Variants in ANK1 observed in about 807,000 individuals in gnomAD.
The protein encoded by ANK1 is ankyrin-1.
ANK1 carries 51 observed loss-of-function variants against 210.4 expected under a neutral mutation model. That is an observed-to-expected ratio of 0.24 (90% CI 0.19 to 0.31). The LOEUF (loss-of-function observed/expected upper bound fraction) is 0.31, where lower values mean the gene tolerates loss of function less well. Ranked by LOEUF, ANK1 falls within the 10% of genes least tolerant of loss-of-function variation. The pLI, the probability that ANK1 is intolerant of heterozygous loss-of-function variation, is 1.00. For synonymous variants in ANK1, 967 were observed against 1,025.9 expected, an observed-to-expected ratio of 0.94 and a Z score of 1.10; for missense variants, 2,051 against 2,504.4, an observed-to-expected ratio of 0.82 and a Z score of 3.86.
At chr8:41,763,889 CTTTTTTTTTTTTTT>C (rs869100297) in intron 1 of ANK1, among the ~76,000 whole-genome samples, 4 of 57,814 alleles carry the variant, frequency 6.9e-5, no homozygotes, top group African/African-American at 6.9e-5. Context: ...TTCTTTTTTT[CTTTTTTTTTTTTTT>C]TTTTTTTTTT....
chr8:41,721,726 T>C (rs73619353), intron 9 of ANK1, among the ~76,000 whole-genome samples: 2,593 of 151,084 alleles, frequency 0.017, 92 homozygotes, highest in African/African-American at 0.061. Context: ...CCCTCCAGCT[T>C]CTGGAAGTGT....
intron 2 of ANK1, among the ~76,000 whole-genome samples, chr8:41,751,638 C>T (rs144577244): frequency 2.8e-4 from 42 of 152,208 alleles, no homozygotes; most frequent in South Asian, 2.3e-3. Flanking sequence ...TGATGACACT[C>T]CAAGCCTGGG....
intron 3 of ANK1, among the ~76,000 whole-genome samples, chr8:41,731,712 G>A (rs987626426): frequency 7.2e-5 from 11 of 151,774 alleles, no homozygotes; most frequent in East Asian, 5.8e-4. Flanking sequence ...CCAAAGCCAC[G>A]TTGGCTTAGA....
At chr8:41,719,129 G>A (rs964386295) in intron 10 of ANK1, among the ~76,000 whole-genome samples, 3 of 152,182 alleles carry the variant, frequency 2.0e-5, no homozygotes, top group South Asian at 2.1e-4. Context: ...TGGATCCCCA[G>A]ACTCCCTGGG....
intron 1 of ANK1, among the ~76,000 whole-genome samples, chr8:41,794,294 G>A (rs1186423498): frequency 6.6e-6 from 1 of 152,096 alleles, no homozygotes; most frequent in Non-Finnish European, 1.5e-5. Context: ...GCCTCACTCT[G>A]CTTCAACCAC....
intron 1 of ANK1, among the ~76,000 whole-genome samples, chr8:41,895,908 C>G (rs928344271): frequency 1.2e-4 from 18 of 152,012 alleles, no homozygotes; most frequent in African/African-American, 3.9e-4. Context: ...GCTGCCCCCC[C>G]CCGGCCCGCT....
chr8:41,668,122 A>T, intron 39 of ANK1, 145 bp downstream of exon 39: 1 of 1,212,344 alleles, frequency 8.2e-7, no homozygotes, highest in Non-Finnish European at 1.2e-6. Flanking sequence ...CTTGACTTCT[A>T]GAGAAACGGA....
At chr8:41,742,674 G>A (rs1016230787) in intron 2 of ANK1, among the ~76,000 whole-genome samples, 1 of 152,178 alleles carries the variant, frequency 6.6e-6, no homozygotes, top group Non-Finnish European at 1.5e-5. Flanking sequence ...AGGCCCAGAG[G>A]CAAGGGAGCA....
At chr8:41,867,560 T>C (rs1349749681) in intron 1 of ANK1, among the ~76,000 whole-genome samples, 1 of 152,176 alleles carries the variant, frequency 6.6e-6, no homozygotes, top group Non-Finnish European at 1.5e-5. Flanking sequence ...CCCTGTTCCC[T>C]GCAGGCCTTT....
At chr8:41,664,748 G>A in intron 39 of ANK1, 1 of 1,515,886 alleles carries the variant, frequency 6.6e-7, no homozygotes, top group Non-Finnish European at 8.9e-7. Flanking sequence ...CGTCCCCTCA[G>A]CCCCGGCCTC....
chr8:41,841,360 T>A (rs1241279035), intron 1 of ANK1, among the ~76,000 whole-genome samples: 1 of 152,092 alleles, frequency 6.6e-6, no homozygotes, highest in Non-Finnish European at 1.5e-5. Flanking sequence ...GAGACTAGAA[T>A]GGTGGTTGCC....
In ANK1 at chr8:41,759,506, A is replaced by AAAAC. The variant is rs10530329; in HGVS notation, c.28-1373_28-1370dup. On this transcript the variant is annotated intron_variant, in intron 1 of 42. Coordinates refer to ENST00000289734, the MANE Select transcript of ANK1 (RefSeq NM_000037.4). ...GGTGACAAAGCAAGACTCCGTCTCA[A>AAAAC]AAACAAACAAACAAACAAAAAAACC... Among the ~76,000 whole-genome samples, 891 of 151,820 alleles carry AAAAC rather than the reference A, an allele frequency of 5.9e-3. 9 individuals carry two copies. Among genetic ancestry groups the AAAAC allele is most frequent in the Non-Finnish European group, 7.9e-3 (534 of 67,916 alleles).
chr8:41,686,044 G>GAGAC, intron 36 of ANK1, 108 bp downstream of exon 36: 1 of 1,548,368 alleles, frequency 6.5e-7, no homozygotes, highest in South Asian at 1.1e-5. Context: ...GAGAGAGACA[G>GAGAC]AGACAGACTG....
chr8:41,815,174 G>A (rs1167568592), intron 1 of ANK1, among the ~76,000 whole-genome samples: 1 of 152,088 alleles, frequency 6.6e-6, no homozygotes, highest in Non-Finnish European at 1.5e-5. Context: ...ATCATAAAAA[G>A]CCTTAACTCT....
chr8:41,706,281 A>C (rs752453493), intron 17 of ANK1, 40 bp from the exon 18 acceptor site: 19 of 1,575,684 alleles, frequency 1.2e-5, no homozygotes, highest in Admixed American at 8.8e-5. Flanking sequence ...TATCAAGTAA[A>C]GAATTCCAGG....
chr8:41,702,838 T>A (rs529300139), intron 20 of ANK1, among the ~76,000 whole-genome samples: 2 of 152,244 alleles, frequency 1.3e-5, no homozygotes, highest in South Asian at 2.1e-4. Context: ...TGTGTGTGTG[T>A]GAGACAGAGT....
rs1048268721 is a variant in ANK1, at chr8:41,880,492, C to T, written c.126+15863G>A. On this transcript the variant is annotated intron_variant, in intron 1 of 42. Transcript: ENST00000265709. ...ACCCCGGGAAAGCAGCTGCCCTCAC[C>T]CCAGGTCTCAGTTTCCTCATTTGCA... Among the ~76,000 whole-genome samples, 5 of 152,184 alleles carry T rather than the reference C, an allele frequency of 3.3e-5. 1 individual carries two copies. Among genetic ancestry groups the T allele is most frequent in the African/African-American group, 1.2e-4 (5 of 41,422 alleles).
chr8:41,893,451 G>A (rs1204188288), intron 1 of ANK1, among the ~76,000 whole-genome samples: 8 of 152,176 alleles, frequency 5.3e-5, no homozygotes, highest in Non-Finnish European at 1.0e-4. Flanking sequence ...GCTTCTATCT[G>A]TGTCAGTCAG....
At chr8:41,848,005 T>C (rs1460914255) in intron 1 of ANK1, among the ~76,000 whole-genome samples, 1 of 151,934 alleles carries the variant, frequency 6.6e-6, no homozygotes, top group African/African-American at 2.4e-5. Flanking sequence ...GCCAACATGG[T>C]AAAACTCTGT....
Sources: allele counts gnomAD v4.1 joint callset (sites outside exome capture counted in the v4.1 genomes callset), GRCh38; gene constraint gnomAD v4.1.1; transcripts MANE v1.5; gene names NCBI Gene and HGNC (gene_info 2026-07-23, HGNC 2026-07-21).